LMX1A: variants seen among roughly 807,000 people sequenced by gnomAD.
The protein encoded by LMX1A is LIM homeobox transcription factor 1 alpha.
A neutral mutation model predicts 49.1 loss-of-function variants in LMX1A; 15 were observed. That is an observed-to-expected ratio of 0.31 (90% CI 0.20 to 0.47). The LOEUF (loss-of-function observed/expected upper bound fraction) is 0.47. Ranked by LOEUF, LMX1A falls within the 20% of genes least tolerant of loss-of-function variation. LMX1A has a pLI of 1.00. For synonymous variants in LMX1A, 167 were observed against 185.7 expected, an observed-to-expected ratio of 0.90 and a Z score of 0.82; for missense variants, 372 against 475.8, an observed-to-expected ratio of 0.78 and a Z score of 2.03.
At chr1:165,262,225 G>T (rs559063336) in intron 3 of LMX1A, among the ~76,000 whole-genome samples, 1 of 152,214 alleles carries the variant, frequency 6.6e-6, no homozygotes, top group East Asian at 1.9e-4. Flanking sequence ...TGAGGAAAGC[G>T]CTAGAAAAGC....
intron 3 of LMX1A, among the ~76,000 whole-genome samples, chr1:165,337,497 C>G (rs951990187): frequency 6.6e-6 from 1 of 152,138 alleles, no homozygotes; most frequent in Non-Finnish European, 1.5e-5. Context: ...TGGGGCCTCT[C>G]CATGCTAAGT....
rs1654906178 is a variant in LMX1A, at chr1:165,305,847, G to A, written c.263+47229C>T. ...TAGGGCCAATGAGATATGATATGGTGAGTGAGCCAAGGAGTGACCAACCAA... is the reference window on the plus strand; with the variant it reads ...TAGGGCCAATGAGATATGATATGGTAAGTGAGCCAAGGAGTGACCAACCAA... On this transcript the variant is annotated intron_variant, in intron 3 of 8. Coordinates refer to ENST00000342310, the MANE Select transcript of LMX1A (RefSeq NM_177398.4). 2.0e-5 allele frequency among the ~76,000 whole-genome samples: 3 copies of A among 152,162 alleles called. No individual in the cohort carries two copies. The South Asian group carries it at 6.2e-4, about 32-fold the overall frequency.
intron 3 of LMX1A, among the ~76,000 whole-genome samples, chr1:165,349,015 T>C (rs1350907380): frequency 6.6e-6 from 1 of 152,190 alleles, no homozygotes; most frequent in Admixed American, 6.5e-5. Flanking sequence ...TATGATGTTA[T>C]GAGAACAGCC....
chr1:165,303,205 A>C, intron 3 of LMX1A, among the ~76,000 whole-genome samples: 1 of 152,200 alleles, frequency 6.6e-6, no homozygotes, highest in East Asian at 1.9e-4. Context: ...TTGTGTGCCA[A>C]AATTACCACA....
At chr1:165,257,287 C>A (rs1653283774) in intron 3 of LMX1A, among the ~76,000 whole-genome samples, 1 of 151,988 alleles carries the variant, frequency 6.6e-6, no homozygotes. Context: ...CTCACATGCT[C>A]TCTAGCACTG....
intron 3 of LMX1A, among the ~76,000 whole-genome samples, chr1:165,302,738 A>C (rs996501240): frequency 6.6e-6 from 1 of 152,214 alleles, no homozygotes; most frequent in African/African-American, 2.4e-5. Flanking sequence ...CTAATTGCTC[A>C]ATGACCCTAG....
Position 165,205,849 on chromosome 1 carries a change from T to C in LMX1A, c.988+15A>G. ...CAAGTTATGAGAGGGCCCGAGGGGCTTAAGTCCCTCTTACCATAAGGGTGC... is the reference window on the plus strand; with the variant it reads ...CAAGTTATGAGAGGGCCCGAGGGGCCTAAGTCCCTCTTACCATAAGGGTGC... On this transcript the variant is annotated intron_variant, in intron 8 of 8. Coordinates refer to ENST00000342310, the MANE Select transcript of LMX1A (RefSeq NM_177398.4). The C allele has an allele frequency of 5.6e-6, 9 of 1,613,332 alleles. No individual in the cohort carries two copies. Among genetic ancestry groups the C allele is most frequent in the African/African-American group, 1.3e-5 (1 of 75,006 alleles).
At chr1:165,232,429 T>C (rs1225368477) in intron 4 of LMX1A, among the ~76,000 whole-genome samples, 1 of 152,120 alleles carries the variant, frequency 6.6e-6, no homozygotes, top group Non-Finnish European at 1.5e-5. Context: ...TTACATGTAA[T>C]ATGGAATAGG....
intron 4 of LMX1A, among the ~76,000 whole-genome samples, chr1:165,238,567 T>A (rs200711456): frequency 6.6e-6 from 1 of 152,124 alleles, no homozygotes; most frequent in Non-Finnish European, 1.5e-5. Context: ...AACTGGAGGT[T>A]AAAAGCAAGG....
chr1:165,339,517 A>C (rs1656004651), intron 3 of LMX1A, among the ~76,000 whole-genome samples: 1 of 152,232 alleles, frequency 6.6e-6, no homozygotes, highest in South Asian at 2.1e-4. Flanking sequence ...CTTCGCATTG[A>C]GATGACTGGT....
At chr1:165,266,592 T>TC (rs1653625293) in intron 3 of LMX1A, among the ~76,000 whole-genome samples, 1 of 109,556 alleles carries the variant, frequency 9.1e-6, no homozygotes, top group Non-Finnish European at 1.8e-5. Flanking sequence ...CTCTTCTTTC[T>TC]TTCTTTTTTT....
intron 3 of LMX1A, among the ~76,000 whole-genome samples, chr1:165,270,474 C>T: frequency 6.6e-6 from 1 of 152,106 alleles, no homozygotes; most frequent in East Asian, 1.9e-4. Flanking sequence ...TCTGAGCAGG[C>T]CAAGTTATAT....
chr1:165,231,383 A>G (rs1386730263), intron 4 of LMX1A, among the ~76,000 whole-genome samples: 1 of 151,812 alleles, frequency 6.6e-6, no homozygotes, highest in African/African-American at 2.4e-5. Flanking sequence ...AGCTCATGGC[A>G]GCTTTGAACT....
intron 3 of LMX1A, among the ~76,000 whole-genome samples, chr1:165,283,766 T>C (rs1466961979): frequency 6.6e-6 from 1 of 152,246 alleles, no homozygotes; most frequent in Non-Finnish European, 1.5e-5. Context: ...TTAAAACATT[T>C]TTCAAATGTA....
chr1:165,272,373 TGG>T, intron 3 of LMX1A, among the ~76,000 whole-genome samples: 1 of 152,198 alleles, frequency 6.6e-6, no homozygotes. Context: ...GTTACACTGG[TGG>T]CTGAAGCATC....
intron 3 of LMX1A, among the ~76,000 whole-genome samples, chr1:165,320,015 AT>A (rs558591501): frequency 4.7e-4 from 71 of 151,786 alleles, no homozygotes; most frequent in African/African-American, 1.6e-3. Context: ...CTCCACCTAG[AT>A]TTTTTTTTCT....
At chr1:165,231,886 ATCTGCG>A (rs1652252445) in intron 4 of LMX1A, among the ~76,000 whole-genome samples, 1 of 152,172 alleles carries the variant, frequency 6.6e-6, no homozygotes, top group Non-Finnish European at 1.5e-5. Flanking sequence ...ATGATTACAA[ATCTGCG>A]ATTCCTGGGA....
Position 165,226,233 on chromosome 1 carries a change from T to C in LMX1A, c.497-12420A>G, listed in dbSNP as rs186063557. ...AGCACCAAAGCCATGGACATCTAAG[T>C]GGGTAAGCAGGCAGCGAGCCCCTGA... On this transcript the variant is annotated intron_variant, in intron 4 of 8. Transcript: ENST00000342310. Among the ~76,000 whole-genome samples the C allele has an allele frequency of 6.8e-4, 104 of 152,254 alleles. No homozygotes were observed. In the East Asian group the frequency reaches 0.015, roughly 22 times the overall value.
At chr1:165,349,050 A>G (rs1360237046) in intron 3 of LMX1A, among the ~76,000 whole-genome samples, 2 of 152,158 alleles carry the variant, frequency 1.3e-5, no homozygotes, top group African/African-American at 4.8e-5. Flanking sequence ...ACTATCCCAC[A>G]CTGCTCCTAG....
Sources: allele counts gnomAD v4.1 joint callset (sites outside exome capture counted in the v4.1 genomes callset), GRCh38; gene constraint gnomAD v4.1.1; transcripts MANE v1.5; gene names NCBI Gene and HGNC (gene_info 2026-07-23, HGNC 2026-07-21).